Variants in TIMM21 observed in about 807,000 individuals in gnomAD.
The protein encoded by TIMM21 is translocase of inner mitochondrial membrane 21, also known as mitochondrial import inner membrane translocase subunit Tim21.
A neutral mutation model predicts 27.7 loss-of-function variants in TIMM21; 30 were observed. The observed-to-expected ratio is 1.08, with a 90% CI of 0.81 to 1.47. The LOEUF (loss-of-function observed/expected upper bound fraction) is 1.47, where lower values mean the gene tolerates loss of function less well. Among genes scored for constraint, TIMM21 ranks in the 40% most tolerant of loss-of-function variants. The pLI, the probability that TIMM21 is intolerant of heterozygous loss-of-function variation, is 0.00. For synonymous variants in TIMM21, 121 were observed against 114.4 expected, an observed-to-expected ratio of 1.06 and a Z score of -0.37; for missense variants, 292 against 302.9, an observed-to-expected ratio of 0.96 and a Z score of 0.27.
chr18:74,151,331 T>C (rs1979795132), intron 1 of TIMM21, among the ~76,000 whole-genome samples: 1 of 152,226 alleles, frequency 6.6e-6, no homozygotes, highest in African/African-American at 2.4e-5. Context: ...CTGTAGTTAA[T>C]TTCTCATGAC....
chr18:74,154,326 A>G (rs1011313484), intron 1 of TIMM21, among the ~76,000 whole-genome samples: 3 of 150,966 alleles, frequency 2.0e-5, no homozygotes, highest in African/African-American at 7.3e-5. Flanking sequence ...CAGTGGCGCT[A>G]TCTTGGCTCA....
chr18:74,148,875 T>G lies in TIMM21; in HGVS notation c.67T>G (p.Leu23Val). Reference sequence around the variant, plus strand: ...GCTGCACAGGTCCTCGGCAAAGCGATTGCTTTTGCCATACATCGTGCTTAA... The same window carrying G: ...GCTGCACAGGTCCTCGGCAAAGCGAGTGCTTTTGCCATACATCGTGCTTAA... Reference protein sequence around the residue: ...EKLHRSSAKRLLLPYIVLNKA... With the variant: ...EKLHRSSAKRVLLPYIVLNKA... The change falls in exon 1 of 6, where the codon TTG (leucine) becomes GTG (valine). Residue 23 changes from leucine to valine, a missense_variant. Coordinates refer to ENST00000169551, the MANE Select transcript of TIMM21 (RefSeq NM_014177.3). 1 of 1,614,194 alleles carries G rather than the reference T, an allele frequency of 6.2e-7. No homozygotes were observed. The highest frequency in any genetic ancestry group is 1.1e-5 in the South Asian group (1 of 91,084).
At chr18:74,151,269 G>A (rs146507023) in intron 1 of TIMM21, among the ~76,000 whole-genome samples, 153 of 152,344 alleles carry the variant, frequency 1.0e-3, no homozygotes, top group African/African-American at 3.3e-3. Context: ...AGAAACTGGG[G>A]CAATGTTCAG....
chr18:74,158,629 T>G lies in TIMM21; in HGVS notation c.*149T>G. ...CAGTATTTGTTGCATTTAAACAAAC[T>G]AGACATTTTCTTACGGAAAAATTAT... On this transcript the variant is annotated 3_prime_UTR_variant, in exon 6 of 6. Transcript: ENST00000169551. 1 of 600,176 alleles carries G rather than the reference T, an allele frequency of 1.7e-6. No homozygotes were observed. The highest frequency in any genetic ancestry group is 2.0e-5 in the South Asian group (1 of 50,100). The allele number at this position is 600,176 out of a possible 1,614,324, so 37.2% of individuals were successfully genotyped here.
chr18:74,149,799 G>A (rs1057372161), intron 1 of TIMM21, among the ~76,000 whole-genome samples: 5 of 152,172 alleles, frequency 3.3e-5, no homozygotes, highest in Non-Finnish European at 5.9e-5. Flanking sequence ...TGTATGCAGA[G>A]GTGAAAGGCA....
Position 74,159,789 on chromosome 18 carries a change from A to G in TIMM21, c.*1309A>G. The stretch of plus-strand genomic sequence containing the variant: ...GAATGTTCAGTTTCAGGATTCACTG[A>G]AATGTCAACATTTAACAGGCTGAGA... On this transcript the variant is annotated 3_prime_UTR_variant, in exon 6 of 6. Coordinates refer to ENST00000169551, the MANE Select transcript of TIMM21 (RefSeq NM_014177.3). The G allele has an allele frequency of 6.6e-6, 1 of 152,188 alleles. No individual in the cohort carries two copies. The highest frequency in any genetic ancestry group is 1.9e-4 in the East Asian group (1 of 5,196). 9.4% of individuals were successfully genotyped at this position (152,188 alleles called of 1,614,324 possible). A position where few individuals can be genotyped will look rare whatever the true frequency, so the allele number is the denominator to read the frequency against.
Position 74,158,276 on chromosome 18 carries a change from G to A in TIMM21, c.642G>A (p.Glu214=). 6.2e-7 allele frequency: 1 copy of A among 1,614,132 alleles called. No individual in the cohort carries two copies. The highest frequency in any genetic ancestry group is 8.5e-7 in the Non-Finnish European group (1 of 1,179,970). ...GAACGGTGTATGCGCAAGTGAAAGA[G>A]GTGTGGGAATCATGGGATGTGGGGT... The part of the protein sequence containing the change: ...KQGTVYAQVK[E]NPGSGEYDFR... The change falls in exon 5 of 6, where the codon GAG becomes GAA. Residue 214 remains glutamate, a splice_region_variant and synonymous_variant. Coordinates refer to ENST00000169551, the MANE Select transcript of TIMM21 (RefSeq NM_014177.3).
In TIMM21 at chr18:74,148,979, T is replaced by G; in HGVS notation, c.171T>G (p.Ile57Met). The G allele has an allele frequency of 6.2e-7, 1 of 1,614,174 alleles. No homozygotes were observed. The highest frequency in any genetic ancestry group is 1.1e-5 in the South Asian group (1 of 91,076). ...AGAAAACGCTGCGACCTAGATGTAT[T>G]CTTGGAGTCACCCAGAAAACCATCT... ...YQKKTLRPRC[I>M]LGVTQKTIWT... Residue 57 changes from isoleucine to methionine, a missense_variant, in exon 1 of 6, where the codon ATT becomes ATG. By Grantham distance (10) the Ile-to-Met change is conservative. Transcript: ENST00000169551.
At chr18:74,151,937 T>TCC (rs535525190) in intron 1 of TIMM21, among the ~76,000 whole-genome samples, 1,942 of 94,174 alleles carry the variant, frequency 0.021, 232 homozygotes, top group African/African-American at 0.067. Context: ...GTGTCTATGT[T>TCC]CCCCCCCCCC....
Position 74,152,856 on chromosome 18 carries a change from C to T in TIMM21, c.302-2289C>T, listed in dbSNP as rs911713463. Among the ~76,000 whole-genome samples the T allele has an allele frequency of 1.3e-5, 2 of 152,212 alleles. No individual in the cohort carries two copies. The highest frequency in any genetic ancestry group is 2.9e-5 in the Non-Finnish European group (2 of 68,042). On this transcript the variant is annotated intron_variant, in intron 1 of 5. Transcript: ENST00000169551. The surrounding 1 kb of genome is among the most constrained non-coding windows in gnomAD (Gnocchi z 4.1). ...GCCGAAGTGCATTTGCAGTTGGGGCCTCAGCTGCTGCTCTGGGGACTTCTG... is the reference window on the plus strand; with the variant it reads ...GCCGAAGTGCATTTGCAGTTGGGGCTTCAGCTGCTGCTCTGGGGACTTCTG...
At position 74,158,978 on chromosome 18, in the gene TIMM21, T is replaced by C. The variant is rs1261668710; in HGVS notation, c.*498T>C. On this transcript the variant is annotated 3_prime_UTR_variant, in exon 6 of 6. Transcript: ENST00000169551. ...TTCAAAATTGTGTGAGTTTTAGGAA[T>C]CTGTCTCATATTTCGCGCTTCATGA... 6.1e-6 allele frequency: 1 copy of C among 163,346 alleles called. No individual in the cohort carries two copies. The highest frequency in any genetic ancestry group is 1.9e-4 in the East Asian group (1 of 5,332). The allele number at this position is 163,346 out of a possible 1,614,324, so 10.1% of individuals were successfully genotyped here.
Position 74,156,516 on chromosome 18 carries a change from T to C in TIMM21, c.462+1113T>C, listed in dbSNP as rs1367656135. ...ATGGAGAAAGGCAGGGAGGATAAAG[T>C]ATCTCAGAGGTGAAAACCAGGAAAT... On this transcript the variant is annotated intron_variant, in intron 3 of 5. Transcript: ENST00000169551. 7.8e-6 allele frequency: 3 copies of C among 383,366 alleles called. No individual in the cohort carries two copies. The East Asian group carries it at 1.1e-4, about 14-fold the overall frequency. The allele number at this position is 383,366 out of a possible 1,614,324, so 23.7% of individuals were successfully genotyped here.
At position 74,158,604 on chromosome 18, in the gene TIMM21, C is replaced by T. The variant is rs867370665; in HGVS notation, c.*124C>T. The T allele has an allele frequency of 3.0e-5, 20 of 664,888 alleles. No homozygotes were observed. Among genetic ancestry groups the T allele is most frequent in the African/African-American group, 2.0e-4 (11 of 53,906 alleles). 41.2% of individuals were successfully genotyped at this position (664,888 alleles called of 1,614,324 possible). A position where few individuals can be genotyped will look rare whatever the true frequency, so the allele number is the denominator to read the frequency against. ...TATGGCTTATAAAGTGAATCTAATACAGTATTTGTTGCATTTAAACAAACT... is the reference window on the plus strand; with the variant it reads ...TATGGCTTATAAAGTGAATCTAATATAGTATTTGTTGCATTTAAACAAACT... On this transcript the variant is annotated 3_prime_UTR_variant, in exon 6 of 6. Transcript: ENST00000169551.
Position 74,160,290 on chromosome 18 carries a change from G to A in TIMM21, c.*1810G>A, listed in dbSNP as rs1980066548. ...GCCAAGATCATGTCACTGCACTCCA[G>A]CATGAGTGACGGAGTGTGACTTCGT... On this transcript the variant is annotated 3_prime_UTR_variant, in exon 6 of 6. Transcript: ENST00000169551. 6.6e-6 allele frequency: 1 copy of A among 150,452 alleles called. No homozygotes were observed. Among genetic ancestry groups the A allele is most frequent in the African/African-American group, 2.5e-5 (1 of 40,674 alleles). The allele number at this position is 150,452 out of a possible 1,614,324, so 9.3% of individuals were successfully genotyped here. A position where few individuals can be genotyped will look rare whatever the true frequency, so the allele number is the denominator to read the frequency against.
chr18:74,151,944 C>CCCCG (rs1555682313), intron 1 of TIMM21, among the ~76,000 whole-genome samples: 6 of 144,688 alleles, frequency 4.1e-5, no homozygotes, highest in African/African-American at 1.4e-4. Flanking sequence ...TGTTCCCCCC[C>CCCCG]CCCCCGGGGG....
intron 1 of TIMM21, among the ~76,000 whole-genome samples, chr18:74,154,107 C>T (rs1308118697): frequency 1.3e-5 from 2 of 152,114 alleles, no homozygotes; most frequent in Non-Finnish European, 2.9e-5. Flanking sequence ...TCACCTGATA[C>T]GCTAAGCAAG....
In TIMM21 at chr18:74,155,116, C is replaced by G. The variant is rs373918903; in HGVS notation, c.302-29C>G. ...AGCTTGCCTGCTCCCAGCCGGCACC[C>G]GTAACCCATTGGTGTTTTCTCTTCA... On this transcript the variant is annotated intron_variant, in intron 1 of 5. Coordinates refer to ENST00000169551, the MANE Select transcript of TIMM21 (RefSeq NM_014177.3). 8 of 1,611,142 alleles carry G rather than the reference C, an allele frequency of 5.0e-6. No individual in the cohort carries two copies. In the South Asian group the frequency reaches 7.7e-5, roughly 16 times the overall value.
chr18:74,154,089 A>G (rs1231667007), intron 1 of TIMM21, among the ~76,000 whole-genome samples: 1 of 152,196 alleles, frequency 6.6e-6, no homozygotes, highest in African/African-American at 2.4e-5. Flanking sequence ...GTGAAAAAAT[A>G]GAAAGACTCA....
chr18:74,151,945 C>CGCG (rs113212978), intron 1 of TIMM21, among the ~76,000 whole-genome samples: 3 of 145,258 alleles, frequency 2.1e-5, no homozygotes, highest in African/African-American at 8.1e-5. Flanking sequence ...GTTCCCCCCC[C>CGCG]CCCCGGGGGG....
Sources: gnomAD v4.1 joint callset for allele counts (sites outside exome capture counted in the v4.1 genomes callset) on GRCh38, gnomAD v4.1.1 for gene constraint, Gnocchi (gnomAD v3.1) non-coding constraint, MANE v1.5 for transcripts, NCBI Gene and HGNC (gene_info 2026-07-23, HGNC 2026-07-21) for gene names.